Variants in AFF3 observed in about 807,000 individuals in gnomAD.
The protein encoded by AFF3 is AF4/FMR2 family member 3.
AFF3 carries 32 observed loss-of-function variants against 129.7 expected under a neutral mutation model. The observed-to-expected ratio is 0.25, with a 90% confidence interval of 0.19 to 0.33. The LOEUF (loss-of-function observed/expected upper bound fraction) is 0.33. AFF3 is among the 10% of genes least tolerant of loss of function. The pLI, the probability that AFF3 is intolerant of heterozygous loss-of-function variation, is 1.00. For missense variants in AFF3, 1,373 were observed against 1,592.0 expected, an observed-to-expected ratio of 0.86 and a Z score of 2.34; for synonymous variants, 644 against 635.4, an observed-to-expected ratio of 1.01 and a Z score of -0.20.
intron 11 of AFF3, among the ~76,000 whole-genome samples, chr2:99,699,016 A>C (rs545671370): frequency 1.1e-4 from 17 of 152,272 alleles, no homozygotes; most frequent in African/African-American, 3.9e-4. Context: ...GGATTTAAAA[A>C]ACTCTAATCC....
At chr2:100,037,830 CTA>C (rs1046957422) in intron 4 of AFF3, among the ~76,000 whole-genome samples, 46 of 136,666 alleles carry the variant, frequency 3.4e-4, no homozygotes, top group Non-Finnish European at 5.7e-4. Flanking sequence ...AAAAATTAAT[CTA>C]TATCTATTTA....
chr2:99,572,168 T>C (rs1477695241), intron 18 of AFF3, among the ~76,000 whole-genome samples: 1 of 152,124 alleles, frequency 6.6e-6, no homozygotes, highest in African/African-American at 2.4e-5. Context: ...GAAACGGGGC[T>C]TGAGTGATCT....
intron 10 of AFF3, among the ~76,000 whole-genome samples, chr2:99,742,756 G>T (rs2105129126): frequency 6.6e-6 from 1 of 152,288 alleles, no homozygotes; most frequent in Non-Finnish European, 1.5e-5. Flanking sequence ...TTCTTCATGT[G>T]AACACTGAGA....
chr2:99,738,247 A>T, intron 10 of AFF3, among the ~76,000 whole-genome samples: 1 of 149,542 alleles, frequency 6.7e-6, no homozygotes. Context: ...ATTCCTCTCC[A>T]TTTTCTTTTT....
Position 100,045,566 on chromosome 2 carries a change from G to GTT in AFF3, c.54-36636_54-36635dup, listed in dbSNP as rs35208027. Among the ~76,000 whole-genome samples the GTT allele has an allele frequency of 7.7e-4, 110 of 143,560 alleles. 2 individuals carry two copies. Among genetic ancestry groups the GTT allele is most frequent in the Admixed American group, 3.2e-3 (46 of 14,368 alleles). 94.2% of individuals were successfully genotyped at this position (143,560 alleles called of 152,430 possible). On this transcript the variant is annotated intron_variant, in intron 4 of 24. Transcript: ENST00000672756. ...AACTGCATGGGTCCACTTATTGTAG[G>GTT]TTTTTTTTTTTTTTGATAAAAGTTA...
intron 1 of AFF3, among the ~76,000 whole-genome samples, chr2:100,142,142 C>T (rs1384914345): frequency 2.0e-5 from 3 of 151,986 alleles, no homozygotes; most frequent in Non-Finnish European, 4.4e-5. Flanking sequence ...AAGGCCCCAG[C>T]CAGCATCATA....
chr2:99,933,445 C>A (rs772150748), intron 7 of AFF3, among the ~76,000 whole-genome samples: 6 of 151,978 alleles, frequency 3.9e-5, no homozygotes, highest in East Asian at 1.9e-4. Flanking sequence ...AGGTTTTAAG[C>A]CCTGCATGCA....
intron 7 of AFF3, among the ~76,000 whole-genome samples, chr2:99,928,743 T>C (rs1318394131): frequency 6.6e-6 from 1 of 152,232 alleles, no homozygotes; most frequent in Non-Finnish European, 1.5e-5. Context: ...GGCCATGTGC[T>C]GGGTAAGGTA....
At chr2:100,131,053 T>A (rs1692411396) in intron 1 of AFF3, among the ~76,000 whole-genome samples, 1 of 152,174 alleles carries the variant, frequency 6.6e-6, no homozygotes, top group South Asian at 2.1e-4. Context: ...AACACCATAC[T>A]TAAAACAACA....
chr2:99,922,755 C>A (rs1014181662), intron 7 of AFF3, among the ~76,000 whole-genome samples: 1 of 152,200 alleles, frequency 6.6e-6, no homozygotes, highest in Non-Finnish European at 1.5e-5. Context: ...ATTATAAGAT[C>A]TTCTCAAGTA....
chr2:99,807,791 C>T (rs1392106926), intron 8 of AFF3, among the ~76,000 whole-genome samples: 1 of 151,884 alleles, frequency 6.6e-6, no homozygotes, highest in Non-Finnish European at 1.5e-5. Flanking sequence ...TGGAATTAGT[C>T]AAACAAGCCA....
At chr2:99,855,669 C>T (rs1488295247) in intron 7 of AFF3, among the ~76,000 whole-genome samples, 1 of 152,106 alleles carries the variant, frequency 6.6e-6, no homozygotes, top group South Asian at 2.1e-4. Flanking sequence ...AAATATCTTG[C>T]GCATAAGAAT....
intron 11 of AFF3, among the ~76,000 whole-genome samples, chr2:99,675,278 C>A (rs540055065): frequency 1.1e-4 from 17 of 152,146 alleles, no homozygotes; most frequent in African/African-American, 4.1e-4. Context: ...CAGAATATTT[C>A]GAAATATGAG....
At chr2:99,750,163 A>G (rs947705467) in intron 9 of AFF3, among the ~76,000 whole-genome samples, 2 of 152,226 alleles carry the variant, frequency 1.3e-5, no homozygotes, top group African/African-American at 4.8e-5. Context: ...AAGTAGTTGT[A>G]TCATATATAA....
chr2:100,094,168 T>C (rs1690096122), intron 4 of AFF3, among the ~76,000 whole-genome samples: 1 of 152,360 alleles, frequency 6.6e-6, no homozygotes. Context: ...CGACTTTTTT[T>C]CCATGGACCA....
At chr2:99,822,606 GTTC>G (rs1265982964) in intron 8 of AFF3, among the ~76,000 whole-genome samples, 1 of 152,110 alleles carries the variant, frequency 6.6e-6, no homozygotes, top group Non-Finnish European at 1.5e-5. Flanking sequence ...CTCTCTTTGT[GTTC>G]TTTTGTGCTG....
At chr2:100,111,338 A>G (rs961700456) in intron 2 of AFF3, among the ~76,000 whole-genome samples, 22 of 152,254 alleles carry the variant, frequency 1.4e-4, no homozygotes, top group Non-Finnish European at 7.3e-5. Context: ...ATTAAGTGTG[A>G]TTTACAAAAA....
chr2:100,072,586 G>A lies in AFF3; in HGVS notation c.53+31816C>T, dbSNP rs540954143. Among the ~76,000 whole-genome samples the A allele has an allele frequency of 2.7e-4, 41 of 152,202 alleles. No individual in the cohort carries two copies. The South Asian group carries it at 4.8e-3, about 18-fold the overall frequency. ...CCATGAGCTAGCTGCCTGTCCTACT[G>A]GTAAAGCCTGCAACCCCAGAGAAAG... On this transcript the variant is annotated intron_variant, in intron 4 of 24. Transcript: ENST00000672756.
intron 13 of AFF3, among the ~76,000 whole-genome samples, chr2:99,615,334 C>T (rs916351161): frequency 6.6e-6 from 1 of 152,240 alleles, no homozygotes; most frequent in Non-Finnish European, 1.5e-5. Context: ...CTTGGCAAGA[C>T]CAGTTTGCAG....
Sources: allele counts gnomAD v4.1 joint callset (sites outside exome capture counted in the v4.1 genomes callset), GRCh38; gene constraint gnomAD v4.1.1; transcripts MANE v1.5; gene names NCBI Gene and HGNC (gene_info 2026-07-23, HGNC 2026-07-21).